MAPK10: variants seen among roughly 807,000 people sequenced by gnomAD.
MAPK10 encodes the protein mitogen-activated protein kinase 10.
Under a neutral mutation model 59.3 loss-of-function variants are expected in MAPK10, and 25 were observed. The ratio of observed to expected loss-of-function variants is 0.42; its 90% CI spans 0.31 to 0.59. MAPK10 has a LOEUF of 0.59. Among genes scored for constraint, MAPK10 ranks in the 20% least tolerant of loss-of-function variants. The pLI, the probability that MAPK10 is intolerant of heterozygous loss-of-function variation, is 0.15. For synonymous variants in MAPK10, 190 were observed against 200.5 expected, an observed-to-expected ratio of 0.95 and a Z score of 0.44; for missense variants, 351 against 568.9, an observed-to-expected ratio of 0.62 and a Z score of 3.90.
intron 1 of MAPK10, among the ~76,000 whole-genome samples, chr4:86,462,013 T>C (rs1057150165): frequency 7.4e-4 from 113 of 152,362 alleles, no homozygotes; most frequent in East Asian, 5.8e-4. Flanking sequence ...GGGCCCATCC[T>C]GGGCCCCGTT....
chr4:86,208,770 T>A (rs2084932485), intron 2 of MAPK10, among the ~76,000 whole-genome samples: 1 of 151,982 alleles, frequency 6.6e-6, no homozygotes, highest in South Asian at 2.1e-4. Context: ...AAATAAAGGG[T>A]ATTCAATTAG....
chr4:86,375,180 G>A (rs771226739), intron 1 of MAPK10, among the ~76,000 whole-genome samples: 1 of 152,054 alleles, frequency 6.6e-6, no homozygotes, highest in Non-Finnish European at 1.5e-5. Context: ...TCAGAAATGT[G>A]TGCACACACA....
rs145917880 is a variant in MAPK10 at position 86,438,759 on chromosome 4, GT to G, written c.-122+14270del. Among the ~76,000 whole-genome samples the G allele has an allele frequency of 4.8e-3, 722 of 151,892 alleles. 10 individuals carry two copies. The highest frequency in any genetic ancestry group is 0.017 in the African/African-American group (698 of 41,416). ...TGTGTGAAAGAAATTGAGGGGGCCA[GT>G]AAGACTGAGGGAACCATCAGACTAC... On this transcript the variant is annotated intron_variant, in intron 1 of 13. Transcript: ENST00000361569.
At chr4:86,155,353 A>C (rs977732275) in intron 4 of MAPK10, among the ~76,000 whole-genome samples, 5 of 151,942 alleles carry the variant, frequency 3.3e-5, no homozygotes, top group African/African-American at 1.2e-4. Flanking sequence ...ACAAAAAGAT[A>C]TATATCCTAT....
chr4:86,329,458 C>T (rs1167113083), intron 2 of MAPK10, among the ~76,000 whole-genome samples: 1 of 152,068 alleles, frequency 6.6e-6, no homozygotes, highest in Non-Finnish European at 1.5e-5. Flanking sequence ...AGTTATATTA[C>T]AATTTTATTT....
chr4:86,512,182 A>G (rs1756326307), intron 1 of MAPK10, among the ~76,000 whole-genome samples: 1 of 152,180 alleles, frequency 6.6e-6, no homozygotes, highest in African/African-American at 2.4e-5. Context: ...ACGGTAAAGC[A>G]TACTTTTGAG....
chr4:86,374,458 A>T (rs1380332279), intron 1 of MAPK10, among the ~76,000 whole-genome samples: 3 of 152,162 alleles, frequency 2.0e-5, no homozygotes, highest in African/African-American at 7.2e-5. Context: ...CTTTGCACAC[A>T]CTCAGAACGG....
At chr4:86,356,859 T>C (rs1734772217) in intron 1 of MAPK10, 1 of 152,198 alleles carries the variant, frequency 6.6e-6, no homozygotes, top group Non-Finnish European at 1.5e-5. Context: ...CCTACTAGTC[T>C]ATAGGCCCAA....
Position 86,064,283 on chromosome 4 carries a change from G to A in MAPK10, c.1093C>T (p.Pro365Ser). The change falls in exon 11 of 14, where the codon CCA (proline) becomes TCA (serine). Residue 365 changes from proline (P) to serine (S), a missense_variant. Coordinates refer to ENST00000641462, the MANE Select transcript of MAPK10 (RefSeq NM_138982.4). The stretch of plus-strand genomic sequence containing the variant: ...TTTCTTACCGCCTCCACTTCGGCTG[G>A]GTCATACCAGACGTTGATGTAGGGA... Reference protein sequence around the residue: ...QHPYINVWYDPAEVEAPPPQI... With the variant: ...QHPYINVWYDSAEVEAPPPQI... 6.2e-7 allele frequency: 1 copy of A among 1,614,096 alleles called. No individual in the cohort carries two copies.
At chr4:86,201,133 T>G (rs2082526894) in intron 2 of MAPK10, among the ~76,000 whole-genome samples, 1 of 151,926 alleles carries the variant, frequency 6.6e-6, no homozygotes, top group Non-Finnish European at 1.5e-5. Flanking sequence ...TCCCTTCACA[T>G]AACGTCCTCC....
At chr4:86,097,900 G>A (rs2054545364) in intron 9 of MAPK10, among the ~76,000 whole-genome samples, 1 of 152,118 alleles carries the variant, frequency 6.6e-6, no homozygotes, top group African/African-American at 2.4e-5. Context: ...GGGAAAACAA[G>A]CATGTATGTC....
intron 3 of MAPK10, among the ~76,000 whole-genome samples, chr4:86,188,822 C>G (rs992129591): frequency 6.6e-6 from 1 of 152,122 alleles, no homozygotes; most frequent in African/African-American, 2.4e-5. Context: ...TTTGCCCATG[C>G]CTATGTCCTG....
At chr4:86,289,789 T>G (rs1564021430) in intron 2 of MAPK10, among the ~76,000 whole-genome samples, 1 of 151,942 alleles carries the variant, frequency 6.6e-6, no homozygotes, top group African/African-American at 2.4e-5. Context: ...AAATACTCAT[T>G]TGAGGTAAAT....
Position 86,459,514 on chromosome 4 carries a change from T to C in MAPK10, c.-262-104870A>G, listed in dbSNP as rs1751535381. On this transcript the variant is annotated intron_variant, in intron 1 of 4. Coordinates refer to the MAPK10 transcript ENST00000502302. Reference sequence around the variant, plus strand: ...TGGAACCAACCCAAATGCCCATCAATCAAAGAATGGATAAAGAAACTGTGA... The same window carrying C: ...TGGAACCAACCCAAATGCCCATCAACCAAAGAATGGATAAAGAAACTGTGA... 2.0e-5 allele frequency among the ~76,000 whole-genome samples: 3 copies of C among 152,090 alleles called. No homozygotes were observed. The South Asian group carries it at 6.2e-4, about 32-fold the overall frequency.
intron 3 of MAPK10, among the ~76,000 whole-genome samples, chr4:86,190,686 C>CAA (rs199819938): frequency 3.3e-5 from 5 of 151,886 alleles, no homozygotes; most frequent in South Asian, 2.1e-4. Flanking sequence ...TTAACCTTTT[C>CAA]AAAAAAACCA....
At chr4:86,375,453 G>A (rs1004306823) in intron 1 of MAPK10, among the ~76,000 whole-genome samples, 4 of 151,912 alleles carry the variant, frequency 2.6e-5, no homozygotes, top group African/African-American at 9.7e-5. Context: ...AGGTGCAGTG[G>A]CTCACACCTG....
At chr4:86,431,142 C>T (rs533175128) in intron 1 of MAPK10, among the ~76,000 whole-genome samples, 15 of 152,096 alleles carry the variant, frequency 9.9e-5, no homozygotes, top group African/African-American at 2.2e-4. Flanking sequence ...GGAAGATAAC[C>T]TTTTAACAGT....
At chr4:86,553,326 G>T (rs1760004945) in intron 1 of MAPK10, among the ~76,000 whole-genome samples, 1 of 152,128 alleles carries the variant, frequency 6.6e-6, no homozygotes, top group South Asian at 2.1e-4. Flanking sequence ...TTTAGTTGTT[G>T]TTCACTCTCC....
At chr4:86,529,134 A>C (rs1757684029) in intron 1 of MAPK10, among the ~76,000 whole-genome samples, 1 of 152,364 alleles carries the variant, frequency 6.6e-6, no homozygotes, top group Admixed American at 6.5e-5. Flanking sequence ...TGCTCTCTGC[A>C]GTTGATGGTA....
Sources: allele counts gnomAD v4.1 joint callset (sites outside exome capture counted in the v4.1 genomes callset), GRCh38; gene constraint gnomAD v4.1.1; transcripts MANE v1.5; gene names NCBI Gene and HGNC (gene_info 2026-07-23, HGNC 2026-07-21).